SLC16A7: variants seen among roughly 807,000 people sequenced by gnomAD.
SLC16A7 encodes the protein solute carrier family 16 member 7.
Under a neutral mutation model 34.9 loss-of-function variants are expected in SLC16A7, and 33 were observed. The observed-to-expected ratio is 0.94, with a 90% confidence interval of 0.72 to 1.26. SLC16A7 has a LOEUF of 1.26. SLC16A7 is among the 50% of genes most tolerant of loss of function. The pLI is 0.00. For missense variants in SLC16A7, 573 were observed against 578.1 expected (o/e 0.99, Z 0.09); for synonymous variants, 201 against 206.6 (o/e 0.97, Z 0.23).
intron 2 of SLC16A7, among the ~76,000 whole-genome samples, chr12:59,695,587 G>T (rs1872192211): frequency 6.6e-6 from 1 of 151,926 alleles, no homozygotes; most frequent in Non-Finnish European, 1.5e-5. Context: ...CATGGACTTG[G>T]CATGCAGATC....
intron 5 of SLC16A7, among the ~76,000 whole-genome samples, chr12:59,777,753 T>C (rs1882904508): frequency 1.3e-5 from 2 of 151,580 alleles, no homozygotes; most frequent in South Asian, 4.2e-4. Flanking sequence ...GCTGTACCCA[T>C]TAACTCGTCA....
At chr12:59,699,944 C>G (rs1872700040) in intron 2 of SLC16A7, among the ~76,000 whole-genome samples, 1 of 151,568 alleles carries the variant, frequency 6.6e-6, no homozygotes. Context: ...ACATTTTGTG[C>G]TTTTTGCTGG....
intron 2 of SLC16A7, among the ~76,000 whole-genome samples, chr12:59,685,010 GT>G (rs904357894): frequency 7.2e-5 from 11 of 152,150 alleles, no homozygotes; most frequent in African/African-American, 2.6e-4. Flanking sequence ...TTGTTGATGT[GT>G]TTTAGGGGAG....
chr12:59,778,206 A>G (rs1882952363), intron 5 of SLC16A7, among the ~76,000 whole-genome samples: 1 of 152,140 alleles, frequency 6.6e-6, no homozygotes, highest in South Asian at 2.1e-4. Flanking sequence ...ATTTAGAAGT[A>G]TAATAATCAT....
intron 3 of SLC16A7, among the ~76,000 whole-genome samples, chr12:59,724,336 G>A (rs1253069034): frequency 1.3e-5 from 2 of 152,002 alleles, no homozygotes; most frequent in African/African-American, 4.8e-5. Flanking sequence ...TAAGCTTGTT[G>A]TCATAGTTTA....
chr12:59,620,542 C>T (rs1483116173), intron 1 of SLC16A7, among the ~76,000 whole-genome samples: 3 of 151,846 alleles, frequency 2.0e-5, no homozygotes, highest in Non-Finnish European at 2.9e-5. Flanking sequence ...ATGACTAAGG[C>T]CTTTCTAGTC....
At chr12:59,642,897 T>G (rs1448816770) in intron 1 of SLC16A7, among the ~76,000 whole-genome samples, 1 of 152,092 alleles carries the variant, frequency 6.6e-6, no homozygotes, top group Non-Finnish European at 1.5e-5. Flanking sequence ...TTGAAAAACC[T>G]TATAATAATT....
At chr12:59,657,046 ATAT>A (rs1308866660) in intron 2 of SLC16A7, among the ~76,000 whole-genome samples, 1 of 151,940 alleles carries the variant, frequency 6.6e-6, no homozygotes, top group African/African-American at 2.4e-5. Flanking sequence ...AGTACTTAGA[ATAT>A]TATTAATACT....
chr12:59,765,038 A>T (rs1946274443), intron 3 of SLC16A7, among the ~76,000 whole-genome samples: 1 of 152,138 alleles, frequency 6.6e-6, no homozygotes, highest in South Asian at 2.1e-4. Flanking sequence ...CTGGTGTGAG[A>T]TGGTATCTCA....
At chr12:59,674,914 G>A (rs1053574287) in intron 2 of SLC16A7, among the ~76,000 whole-genome samples, 2 of 152,156 alleles carry the variant, frequency 1.3e-5, no homozygotes, top group East Asian at 1.9e-4. Flanking sequence ...ATTCAAACAT[G>A]CTAGAGGGTT....
At chr12:59,754,839 A>T (rs1001499651) in intron 3 of SLC16A7, among the ~76,000 whole-genome samples, 1 of 152,224 alleles carries the variant, frequency 6.6e-6, no homozygotes, top group Admixed American at 6.5e-5. Flanking sequence ...CTTGATGAAC[A>T]TTGATGCAAA....
At chr12:59,644,436 G>T (rs1194008814) in intron 1 of SLC16A7, among the ~76,000 whole-genome samples, 2 of 151,962 alleles carry the variant, frequency 1.3e-5, no homozygotes, top group African/African-American at 2.4e-5. Context: ...ACATGTTGGC[G>T]CATGCCTGTA....
Position 59,782,339 on chromosome 12 carries a change from C to T in SLC16A7, c.*2660C>T, listed in dbSNP as rs191676593. The T allele has an allele frequency of 5.3e-5, 8 of 152,276 alleles. No individual in the cohort carries two copies. The highest frequency in any genetic ancestry group is 5.2e-4 in the Admixed American group (8 of 15,292). The allele number at this position is 152,276 out of a possible 1,614,324, so 9.4% of individuals were successfully genotyped here. ...CTTGAACTTGTTAGAAGATTTGCTGCTTTAGCAGAATCTTTCCAAGATTGA... is the reference window on the plus strand; with the variant it reads ...CTTGAACTTGTTAGAAGATTTGCTGTTTTAGCAGAATCTTTCCAAGATTGA... On this transcript the variant is annotated 3_prime_UTR_variant, in exon 6 of 6. Transcript: ENST00000547379.
Position 59,774,859 on chromosome 12 carries a change from C to G in SLC16A7, c.564C>G (p.Ala188=), listed in dbSNP as rs762829663. The change falls in exon 5 of 6, where the codon GCC becomes GCG. Residue 188 remains alanine, a synonymous_variant. Coordinates refer to ENST00000547379, the MANE Select transcript of SLC16A7 (RefSeq NM_001270623.2). ...FLILGSLLLN[A]CVAGSLMRPL... ...TTTTGGGAAGTCTACTTTTGAATGC[C>G]TGTGTGGCTGGTTCCCTCATGAGAC... 1.9e-6 allele frequency: 3 copies of G among 1,613,884 alleles called. No individual in the cohort carries two copies. The highest frequency in any genetic ancestry group is 2.5e-6 in the Non-Finnish European group (3 of 1,179,942).
intron 3 of SLC16A7, among the ~76,000 whole-genome samples, chr12:59,718,851 C>T (rs534880534): frequency 6.6e-6 from 1 of 152,222 alleles, no homozygotes; most frequent in Admixed American, 6.5e-5. Flanking sequence ...AAAAGTGATT[C>T]ATCTTTCTGT....
chr12:59,652,034 G>A (rs1256065095), intron 1 of SLC16A7, among the ~76,000 whole-genome samples: 1 of 151,918 alleles, frequency 6.6e-6, no homozygotes, highest in African/African-American at 2.4e-5. Flanking sequence ...GTGCTGTTGA[G>A]TTAAAGGGAG....
chr12:59,620,285 A>T (rs1879641977), intron 1 of SLC16A7, among the ~76,000 whole-genome samples: 1 of 151,932 alleles, frequency 6.6e-6, no homozygotes, highest in African/African-American at 2.4e-5. Context: ...TTCATTGTTG[A>T]GATTCTAGAT....
chr12:59,694,044 TC>T (rs1871984027), intron 2 of SLC16A7, among the ~76,000 whole-genome samples: 1 of 152,002 alleles, frequency 6.6e-6, no homozygotes, highest in Non-Finnish European at 1.5e-5. Context: ...AATAAAAAGC[TC>T]TAAAACATTG....
chr12:59,727,958 T>A (rs898139833), intron 3 of SLC16A7, among the ~76,000 whole-genome samples: 1 of 152,188 alleles, frequency 6.6e-6, no homozygotes, highest in Non-Finnish European at 1.5e-5. Flanking sequence ...TGTATACTGA[T>A]GTCACTATGA....
Sources: allele counts gnomAD v4.1 joint callset (sites outside exome capture counted in the v4.1 genomes callset), GRCh38; gene constraint gnomAD v4.1.1; transcripts MANE v1.5; gene names NCBI Gene and HGNC (gene_info 2026-07-23, HGNC 2026-07-21).